TECPR2: variants seen among roughly 807,000 people sequenced by gnomAD.
The protein encoded by TECPR2 is tectonin beta-propeller repeat containing 2.
Under a neutral mutation model 138.1 loss-of-function variants are expected in TECPR2, and 65 were observed. That is an observed-to-expected ratio of 0.47 (90% CI 0.39 to 0.58). The LOEUF (loss-of-function observed/expected upper bound fraction) is 0.58. TECPR2 is among the 20% of genes least tolerant of loss of function. TECPR2 has a pLI of 0.00. For synonymous variants in TECPR2, 746 were observed against 749.8 expected (o/e 0.99, Z 0.08); for missense variants, 1,553 against 1,824.5 (o/e 0.85, Z 2.71).
intron 17 of TECPR2, among the ~76,000 whole-genome samples, chr14:102,484,577 G>A (rs2139790408): frequency 6.6e-6 from 1 of 152,248 alleles, no homozygotes; most frequent in South Asian, 2.1e-4. Flanking sequence ...GGCCCGCTGA[G>A]TCCTTGCCAT....
intron 2 of TECPR2, among the ~76,000 whole-genome samples, chr14:102,398,072 CAAAAAAA>C (rs560266373): frequency 1.7e-3 from 80 of 45,786 alleles, no homozygotes; most frequent in African/African-American, 2.4e-3. Flanking sequence ...GATTCTGTCT[CAAAAAAA>C]AAAAAAAAAA....
intron 2 of TECPR2, among the ~76,000 whole-genome samples, chr14:102,378,066 A>G (rs1213602189): frequency 6.6e-6 from 1 of 152,206 alleles, no homozygotes; most frequent in African/African-American, 2.4e-5. Flanking sequence ...GTGAACTGTA[A>G]TGTAATTCAC....
At chr14:102,463,712 T>C (rs1330950083) in intron 16 of TECPR2, among the ~76,000 whole-genome samples, 1 of 151,790 alleles carries the variant, frequency 6.6e-6, no homozygotes, top group African/African-American at 2.4e-5. Context: ...TCACTTGAGG[T>C]CAGGAGTTCG....
chr14:102,491,378 G>T (rs966740897), intron 17 of TECPR2, among the ~76,000 whole-genome samples: 12 of 152,152 alleles, frequency 7.9e-5, no homozygotes, highest in African/African-American at 2.9e-4. Flanking sequence ...ACCATGCCCA[G>T]ATAATTTTTT....
intron 1 of TECPR2, among the ~76,000 whole-genome samples, chr14:102,369,096 G>A (rs1887422496): frequency 6.6e-6 from 1 of 152,170 alleles, no homozygotes; most frequent in Admixed American, 6.5e-5. Context: ...CACTGAGTGT[G>A]CCAAGGAGAT....
intron 2 of TECPR2, among the ~76,000 whole-genome samples, chr14:102,388,734 G>A (rs866389391): frequency 8.6e-5 from 13 of 151,870 alleles, no homozygotes; most frequent in Admixed American, 2.6e-4. Context: ...AGGCTGAGGC[G>A]GGCGGATCAC....
intron 12 of TECPR2, 64 bp from the exon 13 acceptor site, chr14:102,445,742 G>T: frequency 1.3e-6 from 2 of 1,555,554 alleles, no homozygotes; most frequent in Non-Finnish European, 1.7e-6. Flanking sequence ...GATGTCCGCA[G>T]TCCAGACACA....
chr14:102,402,249 T>C (rs997831534), intron 2 of TECPR2, among the ~76,000 whole-genome samples: 3 of 151,968 alleles, frequency 2.0e-5, no homozygotes, highest in African/African-American at 7.3e-5. Context: ...AGAAGGAAAA[T>C]TGGAGAATCC....
At chr14:102,416,742 G>C (rs1889034711) in intron 5 of TECPR2, among the ~76,000 whole-genome samples, 3 of 151,996 alleles carry the variant, frequency 2.0e-5, no homozygotes, top group Admixed American at 2.0e-4. Context: ...CCAACACTTT[G>C]GGAGGCCAAG....
chr14:102,431,520 T>A (rs1889478633), intron 7 of TECPR2, among the ~76,000 whole-genome samples: 2 of 152,084 alleles, frequency 1.3e-5, no homozygotes, highest in Non-Finnish European at 2.9e-5. Context: ...TTTTTTGTAT[T>A]TTTAGTAGAG....
At chr14:102,424,250 A>G (rs1402732963) in intron 5 of TECPR2, among the ~76,000 whole-genome samples, 1 of 152,228 alleles carries the variant, frequency 6.6e-6, no homozygotes, top group African/African-American at 2.4e-5. Context: ...ATGTCTAAAC[A>G]TAGAAAAGGT....
chr14:102,426,283 T>C (rs1889320054), intron 6 of TECPR2, among the ~76,000 whole-genome samples: 3 of 152,166 alleles, frequency 2.0e-5, no homozygotes, highest in Non-Finnish European at 4.4e-5. Flanking sequence ...AAAATCATGG[T>C]AGGAAATAAT....
At chr14:102,473,414 G>T (rs929274948) in intron 17 of TECPR2, among the ~76,000 whole-genome samples, 2 of 152,178 alleles carry the variant, frequency 1.3e-5, no homozygotes, top group African/African-American at 4.8e-5. Context: ...GAACAAGCGG[G>T]GTTTATGTAT....
intron 2 of TECPR2, among the ~76,000 whole-genome samples, chr14:102,400,869 T>TA (rs966636143): frequency 7.9e-5 from 12 of 151,162 alleles, no homozygotes; most frequent in Non-Finnish European, 1.3e-4. Context: ...CCGTCTCTAC[T>TA]AAAAAAACAG....
chr14:102,432,719 G>A (rs1889539680), intron 8 of TECPR2, among the ~76,000 whole-genome samples: 1 of 150,904 alleles, frequency 6.6e-6, no homozygotes, highest in South Asian at 2.1e-4. Context: ...AAATTAAAAT[G>A]TCGGGGCCGG....
At chr14:102,365,615 G>A (rs1250383818) in intron 1 of TECPR2, among the ~76,000 whole-genome samples, 1 of 152,218 alleles carries the variant, frequency 6.6e-6, no homozygotes, top group African/African-American at 2.4e-5. Flanking sequence ...AAAGCAACCA[G>A]ACACAAAATA....
intron 16 of TECPR2, among the ~76,000 whole-genome samples, chr14:102,464,162 T>C (rs1467489982): frequency 1.3e-5 from 2 of 152,192 alleles, no homozygotes; most frequent in African/African-American, 2.4e-5. Context: ...AGTGGGATGA[T>C]ACTAATCGTG....
At chr14:102,430,140 G>A (rs1355741012) in intron 7 of TECPR2, among the ~76,000 whole-genome samples, 1 of 151,764 alleles carries the variant, frequency 6.6e-6, no homozygotes, top group African/African-American at 2.4e-5. Context: ...CTAATATTTT[G>A]TATTTTAGTA....
chr14:102,419,211 C>T lies in TECPR2; in HGVS notation c.638+4418C>T, dbSNP rs527502237. 5.9e-5 allele frequency among the ~76,000 whole-genome samples: 9 copies of T among 152,008 alleles called. No homozygotes were observed. In the East Asian group the frequency reaches 1.7e-3, roughly 30 times the overall value. Reference sequence around the variant, plus strand: ...AGGGACATAGCAGCTGCTGCGAGACCGGGGGCTGAGGCAGCTTCGACGGGC... The same window carrying T: ...AGGGACATAGCAGCTGCTGCGAGACTGGGGGCTGAGGCAGCTTCGACGGGC... On this transcript the variant is annotated intron_variant, in intron 5 of 19. Coordinates refer to ENST00000359520, the MANE Select transcript of TECPR2 (RefSeq NM_014844.5). The surrounding 1 kb of genome is among the most constrained non-coding windows in gnomAD (Gnocchi z 4.8).
Sources: allele counts gnomAD v4.1 joint callset (sites outside exome capture counted in the v4.1 genomes callset), GRCh38; gene constraint gnomAD v4.1.1; non-coding constraint Gnocchi (gnomAD v3.1); transcripts MANE v1.5; gene names NCBI Gene and HGNC (gene_info 2026-07-23, HGNC 2026-07-21).